Variants in CLVS1 observed in about 807,000 individuals in gnomAD.
The protein encoded by CLVS1 is clavesin-1.
In CLVS1, 10 loss-of-function variants were observed where a neutral mutation model predicts 33.1. The observed-to-expected ratio is 0.30, with a 90% confidence interval of 0.19 to 0.51. The LOEUF is 0.51. Ranked by LOEUF, CLVS1 falls within the 20% of genes least tolerant of loss-of-function variation. CLVS1 has a pLI of 0.97. For synonymous variants in CLVS1, 163 were observed against 166.1 expected, an observed-to-expected ratio of 0.98 and a Z score of 0.14; for missense variants, 343 against 433.4, an observed-to-expected ratio of 0.79 and a Z score of 1.85.
Position 61,214,519 on chromosome 8 carries a change from G to A in CLVS1, c.-152+82659G>A, listed in dbSNP as rs148888028. Among the ~76,000 whole-genome samples, 846 of 152,282 alleles carry A rather than the reference G, an allele frequency of 5.6e-3. 10 individuals carry two copies. The highest frequency in any genetic ancestry group is 0.022 in the Admixed American group (344 of 15,294). On this transcript the variant is annotated intron_variant, in intron 2 of 2. Transcript: ENST00000522621. ...CCCAATAGACATAGATATGCACACA[G>A]GGAAGGTCATGTGAAGACACAGGGA... is the stretch of plus-strand genomic sequence containing the variant.
chr8:61,187,699 G>A (rs771881431), intron 2 of CLVS1, among the ~76,000 whole-genome samples: 2 of 151,526 alleles, frequency 1.3e-5, no homozygotes, highest in Admixed American at 6.6e-5. Context: ...TGGACCAGCT[G>A]TCTCAGTAAA....
intron 2 of CLVS1, among the ~76,000 whole-genome samples, chr8:61,169,091 G>A (rs1439654646): frequency 2.6e-5 from 4 of 151,950 alleles, no homozygotes; most frequent in Non-Finnish European, 1.5e-5. Flanking sequence ...TGGGTTTAGT[G>A]GTATCCTTTG....
intron 2 of CLVS1, among the ~76,000 whole-genome samples, chr8:61,134,361 A>C (rs1806153770): frequency 6.6e-6 from 1 of 152,132 alleles, no homozygotes; most frequent in African/African-American, 2.4e-5. Flanking sequence ...GCAGGCCTGT[A>C]CCTAATGGCC....
intron 1 of CLVS1, among the ~76,000 whole-genome samples, chr8:61,116,826 T>C (rs1473537981): frequency 1.4e-5 from 2 of 138,972 alleles, no homozygotes; most frequent in Non-Finnish European, 3.1e-5. Context: ...CTTTGTTCTT[T>C]TGGCTTAGGA....
intron 3 of CLVS1, among the ~76,000 whole-genome samples, chr8:61,391,784 T>G (rs1426045248): frequency 6.6e-6 from 1 of 152,164 alleles, no homozygotes; most frequent in East Asian, 1.9e-4. Context: ...AAAAAGAGTA[T>G]AGGGCAGCAT....
chr8:61,254,740 T>C (rs1809036928), intron 2 of CLVS1, among the ~76,000 whole-genome samples: 1 of 152,172 alleles, frequency 6.6e-6, no homozygotes, highest in South Asian at 2.1e-4. Context: ...TATAATCTCC[T>C]GGTGTGCTGC....
intron 2 of CLVS1, among the ~76,000 whole-genome samples, chr8:61,262,310 T>C (rs1283365067): frequency 1.3e-5 from 2 of 152,168 alleles, no homozygotes; most frequent in East Asian, 1.9e-4. Context: ...GTGATTGTGC[T>C]TGGCTGTCTT....
the CLVS1 span, among the ~76,000 whole-genome samples, chr8:61,034,209 A>G: frequency 2.0e-5 from 3 of 152,350 alleles, no homozygotes; most frequent in African/African-American, 7.2e-5. Context: ...CTAACAGGTT[A>G]AGAAGTTTTA....
intron 3 of CLVS1, among the ~76,000 whole-genome samples, chr8:61,378,639 G>C (rs1813744638): frequency 6.6e-6 from 1 of 152,180 alleles, no homozygotes; most frequent in Non-Finnish European, 1.5e-5. Context: ...CTTCATCAAG[G>C]ATAGGGGCTC....
intron 1 of CLVS1, among the ~76,000 whole-genome samples, chr8:61,087,854 A>AC (rs1347588952): frequency 6.6e-6 from 1 of 152,148 alleles, no homozygotes; most frequent in Non-Finnish European, 1.5e-5. Flanking sequence ...TATTTAATAA[A>AC]CCCCATGAAT....
chr8:61,255,790 A>T (rs1809066400), intron 2 of CLVS1, among the ~76,000 whole-genome samples: 1 of 152,216 alleles, frequency 6.6e-6, no homozygotes, highest in South Asian at 2.1e-4. Context: ...ACTTGAACCT[A>T]CTATAAGAAG....
chr8:61,374,954 A>AT (rs1261786434), intron 2 of CLVS1, among the ~76,000 whole-genome samples: 3 of 152,070 alleles, frequency 2.0e-5, no homozygotes, highest in Non-Finnish European at 4.4e-5. Flanking sequence ...TAATATCTTT[A>AT]TTTTTTATCT....
At chr8:61,029,600 T>C in the CLVS1 span, among the ~76,000 whole-genome samples, 1 of 151,840 alleles carries the variant, frequency 6.6e-6, no homozygotes, top group African/African-American at 2.4e-5. Context: ...CTTTTTTTTT[T>C]TATTAATTTT....
chr8:61,283,021 C>T (rs775121752), upstream of CLVS1, among the ~76,000 whole-genome samples: 10 of 152,094 alleles, frequency 6.6e-5, no homozygotes, highest in Non-Finnish European at 1.0e-4. Context: ...TATTGGATAA[C>T]GGGGGAAGGA....
intron 2 of CLVS1, among the ~76,000 whole-genome samples, chr8:61,371,007 A>G (rs1167954919): frequency 6.6e-6 from 1 of 152,186 alleles, no homozygotes; most frequent in Admixed American, 6.5e-5. Flanking sequence ...TCCTCTGAGT[A>G]GATACTCAGT....
At chr8:61,404,171 C>T (rs1040999714) in intron 3 of CLVS1, among the ~76,000 whole-genome samples, 1 of 152,144 alleles carries the variant, frequency 6.6e-6, no homozygotes, top group South Asian at 2.1e-4. Flanking sequence ...TCTGGAAAAG[C>T]ATCCCTTGCC....
intron 2 of CLVS1, among the ~76,000 whole-genome samples, chr8:61,156,700 A>C (rs1161780001): frequency 6.6e-6 from 1 of 152,258 alleles, no homozygotes; most frequent in African/African-American, 2.4e-5. Context: ...TCAAAAAGTT[A>C]TATCTGCCAT....
In CLVS1 at chr8:61,288,122, T is replaced by C; in HGVS notation, c.-168T>C. 2.2e-6 allele frequency: 1 copy of C among 456,316 alleles called. No homozygotes were observed. Among genetic ancestry groups the C allele is most frequent in the Non-Finnish European group, 4.4e-6 (1 of 226,968 alleles). 28.3% of individuals were successfully genotyped at this position (456,316 alleles called of 1,614,324 possible). ...CAGAAATACATTCCCAAAGCAAGGC[T>C]GGGCGGCCGTGTGAAGGTATTTGTT... On this transcript the variant is annotated 5_prime_UTR_variant, in exon 1 of 6. Coordinates refer to ENST00000325897, the MANE Select transcript of CLVS1 (RefSeq NM_173519.3).
intron 2 of CLVS1, among the ~76,000 whole-genome samples, chr8:61,368,008 T>C (rs1052432069): frequency 6.6e-6 from 1 of 152,230 alleles, no homozygotes; most frequent in Non-Finnish European, 1.5e-5. Context: ...AATTTTGAAG[T>C]GAAGAAATAG....
Sources: gnomAD v4.1 joint callset for allele counts (sites outside exome capture counted in the v4.1 genomes callset) on GRCh38, gnomAD v4.1.1 for gene constraint, MANE v1.5 for transcripts, NCBI Gene and HGNC (gene_info 2026-07-23, HGNC 2026-07-21) for gene names.